Variants in ST3GAL3 observed in about 807,000 individuals in gnomAD.
ST3GAL3 encodes CMP-N-acetylneuraminate-beta-1,4-galactoside alpha-2,3-sialyltransferase.
In ST3GAL3, 21 loss-of-function variants were observed where a neutral mutation model predicts 50.1. The ratio of observed to expected loss-of-function variants is 0.42; its 90% CI spans 0.30 to 0.60. The LOEUF (loss-of-function observed/expected upper bound fraction) is 0.60. ST3GAL3 is among the 20% of genes least tolerant of loss of function. ST3GAL3 has a pLI of 0.19. For missense variants in ST3GAL3, 353 were observed against 489.4 expected, an observed-to-expected ratio of 0.72 and a Z score of 2.63; for synonymous variants, 183 against 190.0, an observed-to-expected ratio of 0.96 and a Z score of 0.30.
intron 1 of ST3GAL3, among the ~76,000 whole-genome samples, chr1:43,733,595 C>T (rs1158895770): frequency 6.6e-6 from 1 of 152,186 alleles, no homozygotes; most frequent in Non-Finnish European, 1.5e-5. Flanking sequence ...TACCTATCTA[C>T]CTTAGTAATT....
chr1:43,897,037 AT>A (rs36010473), intron 6 of ST3GAL3, among the ~76,000 whole-genome samples: 102,589 of 142,258 alleles, frequency 0.72, 37,071 homozygotes, highest in Non-Finnish European at 0.79. Flanking sequence ...TAGGTCATTG[AT>A]TTTTTTTTTT....
chr1:43,814,870 T>G (rs1331735450), intron 3 of ST3GAL3, 21 bp from the exon 4 acceptor site: 4 of 1,613,950 alleles, frequency 2.5e-6, no homozygotes, highest in Non-Finnish European at 3.4e-6. Context: ...TTCAGTGACA[T>G]TTTCTGCTTT....
intron 9 of ST3GAL3, among the ~76,000 whole-genome samples, chr1:43,900,088 C>CCCAATCTTTCTACTTT (rs1267161301): frequency 2.6e-5 from 4 of 152,140 alleles, no homozygotes; most frequent in African/African-American, 9.6e-5. Flanking sequence ...TCGTATCACT[C>CCCAATCTTTCTACTTT]CCAATCTTTC....
At chr1:43,803,853 A>G (rs1282014350) in intron 3 of ST3GAL3, among the ~76,000 whole-genome samples, 2 of 152,230 alleles carry the variant, frequency 1.3e-5, no homozygotes, top group African/African-American at 4.8e-5. Context: ...TGCATCAGCC[A>G]TGTCACTCCC....
intron 5 of ST3GAL3, chr1:43,851,254 G>T (rs1001871677): frequency 1.3e-6 from 2 of 1,576,070 alleles, no homozygotes; most frequent in Admixed American, 1.7e-5. Context: ...AGATGGACGT[G>T]GCAGAGATTT....
At chr1:43,797,086 G>T (rs1033638525) in intron 3 of ST3GAL3, among the ~76,000 whole-genome samples, 2 of 152,208 alleles carry the variant, frequency 1.3e-5, no homozygotes, top group African/African-American at 4.8e-5. Flanking sequence ...TACTTGGGAG[G>T]CTGAGGCAGG....
At chr1:43,817,587 T>C (rs1252661706) in intron 4 of ST3GAL3, among the ~76,000 whole-genome samples, 2 of 57,042 alleles carry the variant, frequency 3.5e-5, no homozygotes, top group Non-Finnish European at 7.6e-5. Flanking sequence ...CTTCTCCTCC[T>C]TCTCCTCCTC....
chr1:43,820,435 G>C (rs1216977604), intron 4 of ST3GAL3, among the ~76,000 whole-genome samples: 2 of 151,998 alleles, frequency 1.3e-5, no homozygotes, highest in African/African-American at 2.4e-5. Context: ...ACTGCAACAA[G>C]AACAAAAATT....
At chr1:43,788,928 G>A (rs1392467584) in intron 2 of ST3GAL3, among the ~76,000 whole-genome samples, 1 of 151,534 alleles carries the variant, frequency 6.6e-6, no homozygotes, top group Non-Finnish European at 1.5e-5. Context: ...GGTCTTAATG[G>A]AAGAGTGGGA....
intron 1 of ST3GAL3, among the ~76,000 whole-genome samples, chr1:43,728,304 A>T (rs1030865212): frequency 1.3e-5 from 2 of 152,066 alleles, no homozygotes; most frequent in Non-Finnish European, 2.9e-5. Flanking sequence ...GCACCATTGC[A>T]CTCCAGCCTG....
intron 3 of ST3GAL3, among the ~76,000 whole-genome samples, chr1:43,809,733 G>A (rs2060314209): frequency 6.6e-6 from 1 of 151,754 alleles, no homozygotes; most frequent in South Asian, 2.1e-4. Flanking sequence ...GGTGGTTCAC[G>A]CCTGTAATCC....
intron 1 of ST3GAL3, among the ~76,000 whole-genome samples, chr1:43,734,214 A>C (rs535531593): frequency 6.9e-6 from 1 of 144,636 alleles, no homozygotes; most frequent in East Asian, 2.1e-4. Context: ...ATTTTTAGTT[A>C]TTTTATAGAT....
chr1:43,769,767 C>A lies in ST3GAL3; in HGVS notation c.119-22335C>A, dbSNP rs755137822. Among the ~76,000 whole-genome samples, 329 of 152,236 alleles carry A rather than the reference C, an allele frequency of 2.2e-3. 2 individuals carry two copies. The highest frequency in any genetic ancestry group is 2.1e-3 in the Non-Finnish European group (143 of 68,014). Reference sequence around the variant, plus strand: ...AAAAAGGTAATATACTATATATTTGCATAAAATCATTCCCATTGTAAAATA... The same window carrying A: ...AAAAAGGTAATATACTATATATTTGAATAAAATCATTCCCATTGTAAAATA... On this transcript the variant is annotated intron_variant, in intron 2 of 11. Coordinates refer to ENST00000347631, the MANE Select transcript of ST3GAL3 (RefSeq NM_006279.5).
intron 5 of ST3GAL3, among the ~76,000 whole-genome samples, chr1:43,844,638 C>T (rs989061637): frequency 6.6e-6 from 1 of 151,940 alleles, no homozygotes; most frequent in Non-Finnish European, 1.5e-5. Flanking sequence ...GGTGAAACCC[C>T]GTCTCTACCA....
In ST3GAL3 at chr1:43,838,790, A is replaced by G. The variant is rs189220317; in HGVS notation, c.302+479A>G. On this transcript the variant is annotated intron_variant, in intron 5 of 11. Coordinates refer to ENST00000347631, the MANE Select transcript of ST3GAL3 (RefSeq NM_006279.5). Reference sequence around the variant, plus strand: ...TCCATTTTGCATTCTGGAGCTGCTGACTTCTTTGGCACCTGAAAGAATCTG... The same window carrying G: ...TCCATTTTGCATTCTGGAGCTGCTGGCTTCTTTGGCACCTGAAAGAATCTG... The G allele has an allele frequency of 8.9e-4, 200 of 225,368 alleles. 2 individuals are homozygous for G. The highest frequency in any genetic ancestry group is 1.8e-3 in the Middle Eastern group (1 of 542). 14.0% of individuals were successfully genotyped at this position (225,368 alleles called of 1,614,324 possible).
intron 3 of ST3GAL3, among the ~76,000 whole-genome samples, chr1:43,807,834 G>A (rs1371623156): frequency 1.3e-5 from 2 of 152,204 alleles, no homozygotes; most frequent in Non-Finnish European, 2.9e-5. Context: ...ATTCTCTCAG[G>A]TTTCAAGTTT....
chr1:43,745,745 C>T (rs570296592), intron 2 of ST3GAL3, among the ~76,000 whole-genome samples: 34 of 152,318 alleles, frequency 2.2e-4, no homozygotes, highest in Non-Finnish European at 3.2e-4. Context: ...TCTCATGCCT[C>T]AGCCTCCCGA....
chr1:43,813,905 A>ACG (rs1412745370), intron 3 of ST3GAL3, among the ~76,000 whole-genome samples: 10 of 79,232 alleles, frequency 1.3e-4, no homozygotes, highest in Non-Finnish European at 2.0e-4. Flanking sequence ...GCACACACGC[A>ACG]CACACACACA....
intron 4 of ST3GAL3, among the ~76,000 whole-genome samples, chr1:43,832,590 G>A (rs2063690920): frequency 6.6e-6 from 1 of 152,158 alleles, no homozygotes. Flanking sequence ...GCAAGACCCA[G>A]CAGACCTTGG....
Sources: gnomAD v4.1 joint callset for allele counts (sites outside exome capture counted in the v4.1 genomes callset) on GRCh38, gnomAD v4.1.1 for gene constraint, MANE v1.5 for transcripts, NCBI Gene and HGNC (gene_info 2026-07-23, HGNC 2026-07-21) for gene names.